Variants in TRMT11 observed in about 807,000 individuals in gnomAD.
The protein encoded by TRMT11 is tRNA methyltransferase 11, also known as tRNA (guanine(10)-N(2))-methyltransferase TRMT11.
Under a neutral mutation model 62.8 loss-of-function variants are expected in TRMT11, and 53 were observed. That is an observed-to-expected ratio of 0.84 (90% confidence interval 0.68 to 1.06). The LOEUF is 1.06. Among genes scored for constraint, TRMT11 ranks in the 50% least tolerant of loss-of-function variants. TRMT11 has a pLI of 0.00. For synonymous variants in TRMT11, 188 were observed against 190.3 expected (o/e 0.99, Z 0.10); for missense variants, 556 against 553.4 (o/e 1.00, Z -0.05).
At chr6:126,195,390 G>A (rs149395614) in intron 1 of TRMT11, among the ~76,000 whole-genome samples, 91 of 152,180 alleles carry the variant, frequency 6.0e-4, no homozygotes, top group African/African-American at 2.1e-3. Flanking sequence ...AATATTTTCA[G>A]TGATAATCTC....
At chr6:126,003,072 C>T (rs781346088) in intron 7 of TRMT11, among the ~76,000 whole-genome samples, 7 of 151,972 alleles carry the variant, frequency 4.6e-5, no homozygotes, top group Non-Finnish European at 7.4e-5. Flanking sequence ...AGTTGGACAT[C>T]GGTAGTTTTC....
chr6:126,088,713 T>C (rs1288086164), intron 17 of TRMT11, among the ~76,000 whole-genome samples: 2 of 152,190 alleles, frequency 1.3e-5, no homozygotes, highest in African/African-American at 4.8e-5. Context: ...CTCTTTATAG[T>C]GAACAGTAAA....
chr6:126,125,953 C>CA (rs1189524957), intron 21 of TRMT11, among the ~76,000 whole-genome samples: 1 of 152,038 alleles, frequency 6.6e-6, no homozygotes, highest in Admixed American at 6.6e-5. Context: ...TCGCTTCTTT[C>CA]AAAAAATCAA....
chr6:126,073,505 C>T (rs1339434545), intron 17 of TRMT11, among the ~76,000 whole-genome samples: 1 of 151,954 alleles, frequency 6.6e-6, no homozygotes, highest in Non-Finnish European at 1.5e-5. Context: ...ATGTGTGACC[C>T]ACTCTTGTTA....
chr6:126,111,824 A>G (rs1777535702), intron 17 of TRMT11, among the ~76,000 whole-genome samples: 1 of 151,242 alleles, frequency 6.6e-6, no homozygotes, highest in South Asian at 2.1e-4. Flanking sequence ...CTTACATGAA[A>G]TCTTCTTTGC....
At chr6:126,192,949 G>A (rs113243469) in intron 1 of TRMT11, among the ~76,000 whole-genome samples, 3,850 of 152,208 alleles carry the variant, frequency 0.025, 175 homozygotes, top group African/African-American at 0.087. Flanking sequence ...CTTGTAGAAT[G>A]TGTTTGTGAG....
In TRMT11 at chr6:126,111,539, C is replaced by T. The variant is rs116001295; in HGVS notation, c.*1438-1327C>T. 1.8e-3 allele frequency among the ~76,000 whole-genome samples: 271 copies of T among 152,240 alleles called. 1 individual carries two copies. Among genetic ancestry groups the T allele is most frequent in the African/African-American group, 6.2e-3 (256 of 41,552 alleles). ...ACATGGTTACTCACTTTCCCAGCAC[C>T]AGATCACCTCTTATTTGTTTCCAAC... is the stretch of plus-strand genomic sequence containing the variant. On this transcript the variant is annotated intron_variant and NMD_transcript_variant, in intron 17 of 22. Coordinates refer to the TRMT11 transcript ENST00000648977.
At chr6:126,241,073 G>A in the TRMT11 span, among the ~76,000 whole-genome samples, 5 of 152,210 alleles carry the variant, frequency 3.3e-5, no homozygotes, top group Non-Finnish European at 7.3e-5. Flanking sequence ...CAGTATTAGG[G>A]TGGAAATGAC....
intron 1 of TRMT11, among the ~76,000 whole-genome samples, chr6:126,185,883 G>C (rs1014534964): frequency 2.6e-5 from 4 of 152,076 alleles, no homozygotes; most frequent in African/African-American, 7.2e-5. Flanking sequence ...AAAACCATCA[G>C]ATCTCATGAG....
downstream of TRMT11, among the ~76,000 whole-genome samples, chr6:126,204,769 T>C (rs937011739): frequency 1.3e-5 from 2 of 152,218 alleles, no homozygotes; most frequent in African/African-American, 2.4e-5. Flanking sequence ...TACTATGTAT[T>C]AACTAATGCA....
At chr6:126,106,655 C>T (rs905181202) in intron 17 of TRMT11, among the ~76,000 whole-genome samples, 7 of 152,126 alleles carry the variant, frequency 4.6e-5, no homozygotes, top group Non-Finnish European at 8.8e-5. Flanking sequence ...TATTTTCCTC[C>T]TGCTAAGCTC....
At chr6:126,205,981 C>A (rs1345132444), downstream of TRMT11, among the ~76,000 whole-genome samples, 1 of 151,768 alleles carries the variant, frequency 6.6e-6, no homozygotes, top group African/African-American at 2.4e-5. Context: ...TCTATATTCC[C>A]CTATGACGAT....
At chr6:126,154,770 C>T (rs1778098171) in intron 21 of TRMT11, among the ~76,000 whole-genome samples, 1 of 152,142 alleles carries the variant, frequency 6.6e-6, no homozygotes, top group Non-Finnish European at 1.5e-5. Context: ...TTTTTGTTGT[C>T]CTCCTGGTTC....
intron 1 of TRMT11, among the ~76,000 whole-genome samples, chr6:126,194,240 G>T (rs1778638869): frequency 6.6e-6 from 1 of 152,170 alleles, no homozygotes; most frequent in Non-Finnish European, 1.5e-5. Flanking sequence ...CATTGCTTAA[G>T]ATGGGGTATT....
At chr6:125,998,462 C>T in intron 5 of TRMT11, 88 bp from the exon 6 acceptor site, 6 of 1,415,612 alleles carry the variant, frequency 4.2e-6, no homozygotes, top group Non-Finnish European at 5.8e-6. Flanking sequence ...AATGTTGACT[C>T]CAGGCTTACA....
intron 17 of TRMT11, among the ~76,000 whole-genome samples, chr6:126,079,186 A>C (rs1193087343): frequency 6.6e-6 from 1 of 152,150 alleles, no homozygotes; most frequent in Non-Finnish European, 1.5e-5. Context: ...CTCCTAATTT[A>C]TTTATTTATT....
At chr6:126,267,885 A>G in the TRMT11 span, among the ~76,000 whole-genome samples, 1 of 151,980 alleles carries the variant, frequency 6.6e-6, no homozygotes, top group Admixed American at 6.5e-5. Context: ...GCCATCTGCC[A>G]TGACTATTTT....
At chr6:126,214,909 A>C in the TRMT11 span, among the ~76,000 whole-genome samples, 1 of 151,906 alleles carries the variant, frequency 6.6e-6, no homozygotes, top group Non-Finnish European at 1.5e-5. Flanking sequence ...GCCGTATCCT[A>C]GGTTTTGGTA....
At chr6:126,244,480 A>G in the TRMT11 span, among the ~76,000 whole-genome samples, 1 of 152,198 alleles carries the variant, frequency 6.6e-6, no homozygotes, top group Non-Finnish European at 1.5e-5. Context: ...CAGTATCAAA[A>G]GTTATGATTG....
Sources: gnomAD v4.1 joint callset for allele counts (sites outside exome capture counted in the v4.1 genomes callset) on GRCh38, gnomAD v4.1.1 for gene constraint, MANE v1.5 for transcripts, NCBI Gene and HGNC (gene_info 2026-07-23, HGNC 2026-07-21) for gene names.